ANO4: variants seen among roughly 807,000 people sequenced by gnomAD.
The protein encoded by ANO4 is anoctamin-4.
Under a neutral mutation model 141.9 loss-of-function variants are expected in ANO4, and 69 were observed. The observed-to-expected ratio is 0.49, with a 90% CI of 0.40 to 0.59. ANO4 has a LOEUF of 0.59. Among genes scored for constraint, ANO4 ranks in the 20% least tolerant of loss-of-function variants. The pLI, the probability that ANO4 is intolerant of heterozygous loss-of-function variation, is 0.00. For synonymous variants in ANO4, 350 were observed against 394.3 expected, an observed-to-expected ratio of 0.89 and a Z score of 1.33; for missense variants, 894 against 1,162.2, an observed-to-expected ratio of 0.77 and a Z score of 3.36.
intron 1 of ANO4, among the ~76,000 whole-genome samples, chr12:100,831,162 C>T (rs2036611659): frequency 2.0e-5 from 3 of 152,054 alleles, no homozygotes; most frequent in Admixed American, 2.0e-4. Flanking sequence ...AATTGTCAGG[C>T]TGTACTGGAT....
intron 3 of ANO4, among the ~76,000 whole-genome samples, chr12:100,937,781 C>G (rs561911461): frequency 6.6e-6 from 1 of 152,090 alleles, no homozygotes; most frequent in Non-Finnish European, 1.5e-5. Context: ...TCTTTTCTGT[C>G]TTCTAAAAGC....
At chr12:101,044,037 A>C (rs2047525131) in intron 13 of ANO4, among the ~76,000 whole-genome samples, 1 of 152,234 alleles carries the variant, frequency 6.6e-6, no homozygotes, top group South Asian at 2.1e-4. Flanking sequence ...TATACTGAGC[A>C]TAGTGCTTGG....
At chr12:100,836,936 C>T (rs1391521904) in intron 1 of ANO4, among the ~76,000 whole-genome samples, 2 of 152,068 alleles carry the variant, frequency 1.3e-5, no homozygotes, top group East Asian at 1.9e-4. Context: ...GACTGCAGGT[C>T]TAGAACTCAC....
chr12:100,952,599 A>G (rs2043014860), intron 5 of ANO4, among the ~76,000 whole-genome samples: 1 of 152,136 alleles, frequency 6.6e-6, no homozygotes, highest in Admixed American at 6.5e-5. Context: ...GTCCCACCTC[A>G]TCACCAGGAC....
intron 1 of ANO4, among the ~76,000 whole-genome samples, chr12:100,840,846 A>C (rs1207920753): frequency 6.6e-6 from 1 of 152,092 alleles, no homozygotes; most frequent in Non-Finnish European, 1.5e-5. Flanking sequence ...TAGGCTATGG[A>C]ATGTTAATTA....
At chr12:100,852,438 C>T (rs1290336842) in intron 1 of ANO4, 2 of 152,182 alleles carry the variant, frequency 1.3e-5, no homozygotes, top group Non-Finnish European at 2.9e-5. Context: ...CAGGCTTCTT[C>T]TACTGTCCTA....
chr12:100,982,140 T>C (rs1471005649), intron 7 of ANO4, among the ~76,000 whole-genome samples: 1 of 152,228 alleles, frequency 6.6e-6, no homozygotes, highest in Non-Finnish European at 1.5e-5. Context: ...CTTGACAAGT[T>C]AGGGCCAGAA....
chr12:100,960,625 A>G (rs1163324350), intron 5 of ANO4, among the ~76,000 whole-genome samples: 2 of 152,048 alleles, frequency 1.3e-5, no homozygotes, highest in Admixed American at 1.3e-4. Flanking sequence ...GACAGATAGT[A>G]AAAAAAGAAA....
chr12:100,807,511 A>C (rs2035133240), intron 1 of ANO4, among the ~76,000 whole-genome samples: 1 of 152,190 alleles, frequency 6.6e-6, no homozygotes, highest in African/African-American at 2.4e-5. Flanking sequence ...ATTCTAAAAA[A>C]CAATCATGTT....
At chr12:100,981,267 C>G (rs1463159444) in intron 7 of ANO4, among the ~76,000 whole-genome samples, 1 of 152,188 alleles carries the variant, frequency 6.6e-6, no homozygotes, top group Non-Finnish European at 1.5e-5. Context: ...AAAAGAATAA[C>G]ATTAGCTTTC....
intron 1 of ANO4, among the ~76,000 whole-genome samples, chr12:100,825,114 A>G (rs1239266157): frequency 6.6e-6 from 1 of 152,112 alleles, no homozygotes; most frequent in Non-Finnish European, 1.5e-5. Context: ...TCAATTAGTA[A>G]CATAGGAAGC....
At chr12:100,845,182 G>T (rs1293072254) in intron 1 of ANO4, among the ~76,000 whole-genome samples, 1 of 152,090 alleles carries the variant, frequency 6.6e-6, no homozygotes, top group South Asian at 2.1e-4. Flanking sequence ...AGATTACAGG[G>T]AGTGAGAGAG....
intron 9 of ANO4, among the ~76,000 whole-genome samples, chr12:101,024,597 A>G (rs978551419): frequency 4.5e-5 from 4 of 89,774 alleles, no homozygotes; most frequent in Non-Finnish European, 8.7e-5. Context: ...CTCTGTCTCA[A>G]AAAAAAAAAA....
At chr12:101,075,271 A>T (rs1344424500) in intron 14 of ANO4, among the ~76,000 whole-genome samples, 1 of 152,202 alleles carries the variant, frequency 6.6e-6, no homozygotes, top group African/African-American at 2.4e-5. Context: ...TGGAGTCTGA[A>T]GTGCAAGTCA....
At chr12:100,723,919 C>A (rs571765897) in intron 1 of ANO4, among the ~76,000 whole-genome samples, 1 of 152,274 alleles carries the variant, frequency 6.6e-6, no homozygotes. Context: ...CAGTCCACAG[C>A]TCCCAAGGAA....
intron 9 of ANO4, among the ~76,000 whole-genome samples, chr12:101,034,744 T>C (rs1288773897): frequency 6.6e-6 from 1 of 152,142 alleles, no homozygotes; most frequent in Non-Finnish European, 1.5e-5. Flanking sequence ...CCAAAAATCT[T>C]ATTGAGCATA....
chr12:100,758,413 C>A (rs1048726609), intron 3 of ANO4, among the ~76,000 whole-genome samples: 1 of 152,144 alleles, frequency 6.6e-6, no homozygotes, highest in Non-Finnish European at 1.5e-5. Context: ...CTGGAGCCAG[C>A]AAAGCAAGGG....
At chr12:100,780,099 C>T (rs1437117131) in intron 3 of ANO4, among the ~76,000 whole-genome samples, 2 of 152,120 alleles carry the variant, frequency 1.3e-5, no homozygotes, top group East Asian at 3.9e-4. Context: ...TCATAGCTCA[C>T]TGCAGCCTCG....
intron 1 of ANO4, among the ~76,000 whole-genome samples, chr12:100,721,871 T>TTTTTA (rs144224362): frequency 6.7e-6 from 1 of 149,714 alleles, no homozygotes; most frequent in African/African-American, 2.5e-5. Flanking sequence ...TTTTTTTTTT[T>TTTTTA]AAGTAGAGGC....
Sources: gnomAD v4.1 joint callset for allele counts (sites outside exome capture counted in the v4.1 genomes callset) on GRCh38, gnomAD v4.1.1 for gene constraint, MANE v1.5 for transcripts, NCBI Gene and HGNC (gene_info 2026-07-23, HGNC 2026-07-21) for gene names.